BTBD1: variants seen among roughly 807,000 people sequenced by gnomAD.
BTBD1 encodes the protein BTB/POZ domain-containing protein 1.
BTBD1 carries 34 observed loss-of-function variants against 48.0 expected under a neutral mutation model. That is an observed-to-expected ratio of 0.71 (90% CI 0.54 to 0.94). The LOEUF is 0.94. Ranked by LOEUF, BTBD1 falls within the 40% of genes least tolerant of loss-of-function variation. The pLI is 0.00. For synonymous variants in BTBD1, 261 were observed against 242.1 expected (o/e 1.08, Z -0.72); for missense variants, 543 against 625.6 (o/e 0.87, Z 1.41).
At chr15:83,063,502 C>A (rs2033208722) in intron 1 of BTBD1, among the ~76,000 whole-genome samples, 1 of 152,172 alleles carries the variant, frequency 6.6e-6, no homozygotes, top group African/African-American at 2.4e-5. Context: ...CGCCTCTTGC[C>A]TGGACTACTG....
intron 5 of BTBD1, among the ~76,000 whole-genome samples, chr15:83,021,009 AATG>A (rs2032283568): frequency 6.6e-6 from 1 of 152,186 alleles, no homozygotes; most frequent in South Asian, 2.1e-4. Context: ...CTTTTGTTGT[AATG>A]ATAATTTTAG....
chr15:83,020,013 G>A (rs1393291045), intron 6 of BTBD1: 1 of 145,016 alleles, frequency 6.9e-6, no homozygotes, highest in Non-Finnish European at 1.5e-5. Context: ...GGGGCCTAAT[G>A]CCTGTAATCC....
intron 5 of BTBD1, among the ~76,000 whole-genome samples, chr15:83,023,669 T>C (rs1323569973): frequency 6.6e-6 from 1 of 152,146 alleles, no homozygotes; most frequent in Non-Finnish European, 1.5e-5. Flanking sequence ...TGATTACAGG[T>C]GTGAGCCACC....
Position 83,067,048 on chromosome 15 carries a change from C to T in BTBD1, c.104G>A (p.Gly35Glu). The T allele has an allele frequency of 1.3e-6, 2 of 1,579,520 alleles. No homozygotes were observed. Among genetic ancestry groups the T allele is most frequent in the Non-Finnish European group, 1.7e-6 (2 of 1,165,538 alleles). ...TTCCCGCTGCAGGGGGAGCAGGGGC[C>T]CCAGAGAGGACGGTGAGGGCGGCGG... Reference protein sequence around the residue: ...PPPPPSPSSLGPLLPLQREPL... With the variant: ...PPPPPSPSSLEPLLPLQREPL... Residue 35 changes from glycine to glutamate, a missense_variant, in exon 1 of 8, where the codon GGG becomes GAG. Physicochemically the swap from Gly to Glu is moderately conservative, Grantham distance 98 (BLOSUM62 -2). Coordinates refer to ENST00000261721, the MANE Select transcript of BTBD1 (RefSeq NM_025238.4).
At chr15:83,052,319 A>G (rs954915884) in intron 2 of BTBD1, among the ~76,000 whole-genome samples, 4 of 152,118 alleles carry the variant, frequency 2.6e-5, no homozygotes, top group African/African-American at 9.7e-5. Context: ...GGCTCAAGCA[A>G]TCCACCCACC....
chr15:83,027,818 A>C (rs2032439411), intron 5 of BTBD1, among the ~76,000 whole-genome samples: 1 of 152,220 alleles, frequency 6.6e-6, no homozygotes, highest in African/African-American at 2.4e-5. Flanking sequence ...TATTTAAGAC[A>C]TAACACGCCT....
rs2032176229 is a variant in BTBD1, at chr15:83,016,830, T to C, written c.*1237A>G. On this transcript the variant is annotated 3_prime_UTR_variant, in exon 8 of 8. Transcript: ENST00000261721. ...ATATAAAGTGAAATATTACTTTAGA[T>C]GAAAATTTTTTGTATCTTACTTAGA... 6.6e-6 allele frequency: 1 copy of C among 152,212 alleles called. No individual in the cohort carries two copies. The highest frequency in any genetic ancestry group is 2.4e-5 in the African/African-American group (1 of 41,466). 9.4% of individuals were successfully genotyped at this position (152,212 alleles called of 1,614,324 possible). A position where few individuals can be genotyped will look rare whatever the true frequency, so the allele number is the denominator to read the frequency against.
intron 3 of BTBD1, among the ~76,000 whole-genome samples, chr15:83,047,217 A>C (rs2032897238): frequency 6.6e-6 from 1 of 152,216 alleles, no homozygotes; most frequent in Non-Finnish European, 1.5e-5. Flanking sequence ...TGTGTATTAC[A>C]AGGAAAATAA....
intron 6 of BTBD1, among the ~76,000 whole-genome samples, chr15:83,019,901 C>T (rs1166435118): frequency 3.7e-5 from 5 of 133,388 alleles, no homozygotes; most frequent in African/African-American, 1.1e-4. Context: ...ACCCGGGAGG[C>T]GGAGCTTGCA....
rs1010256925 is a variant in BTBD1 at position 83,016,624 on chromosome 15, G to A, written c.*1443C>T. ...GCATATCATATTTTTTAAGGCAGAA[G>A]TATTTTCTGTAATGGTTACTACAGA... On this transcript the variant is annotated 3_prime_UTR_variant, in exon 8 of 8. Coordinates refer to ENST00000261721, the MANE Select transcript of BTBD1 (RefSeq NM_025238.4). 1 of 152,028 alleles carries A rather than the reference G, an allele frequency of 6.6e-6. No individual in the cohort carries two copies. Among genetic ancestry groups the A allele is most frequent in the African/African-American group, 2.4e-5 (1 of 41,412 alleles). The allele number at this position is 152,028 out of a possible 1,614,324, so 9.4% of individuals were successfully genotyped here. A position where few individuals can be genotyped will look rare whatever the true frequency, so the allele number is the denominator to read the frequency against.
At chr15:83,057,322 T>C (rs1047852545) in intron 1 of BTBD1, among the ~76,000 whole-genome samples, 17 of 152,222 alleles carry the variant, frequency 1.1e-4, no homozygotes, top group African/African-American at 3.9e-4. Context: ...GCTAGCCATG[T>C]GACTTATTAT....
chr15:83,063,338 C>T (rs979868289), intron 1 of BTBD1, among the ~76,000 whole-genome samples: 6 of 152,128 alleles, frequency 3.9e-5, no homozygotes, highest in African/African-American at 1.4e-4. Context: ...GCAAGCTGTT[C>T]CCTCACCTCC....
chr15:83,025,900 G>A (rs2032396316), intron 5 of BTBD1, among the ~76,000 whole-genome samples: 1 of 152,078 alleles, frequency 6.6e-6, no homozygotes, highest in Non-Finnish European at 1.5e-5. Flanking sequence ...CTCCCGAGTA[G>A]CTGGGACTAC....
At position 83,044,305 on chromosome 15, in the gene BTBD1, C is replaced by A. The variant is rs1021874792; in HGVS notation, c.665-2380G>T. On this transcript the variant is annotated intron_variant, in intron 3 of 7. Coordinates refer to ENST00000261721, the MANE Select transcript of BTBD1 (RefSeq NM_025238.4). ...AAGGGTCAAAATAAATACCCCAGTT[C>A]GACAGCAAGCTGCCCACGCCGACGG... 5 of 852,726 alleles carry A rather than the reference C, an allele frequency of 5.9e-6. No individual in the cohort carries two copies. In the Admixed American group the frequency reaches 1.1e-4, roughly 19 times the overall value. The allele number at this position is 852,726 out of a possible 1,614,324, so 52.8% of individuals were successfully genotyped here. A position where few individuals can be genotyped will look rare whatever the true frequency, so the allele number is the denominator to read the frequency against.
intron 5 of BTBD1, among the ~76,000 whole-genome samples, chr15:83,023,553 A>T (rs1284410393): frequency 2.0e-5 from 3 of 151,874 alleles, no homozygotes; most frequent in African/African-American, 4.8e-5. Context: ...CTAATTTTTT[A>T]AAAATTATTA....
At chr15:83,030,001 A>C in intron 5 of BTBD1, 135 bp downstream of exon 5, 10 of 863,736 alleles carry the variant, frequency 1.2e-5, no homozygotes, top group Non-Finnish European at 1.7e-5. Flanking sequence ...TGACTCCTAT[A>C]TTAACTTAAC....
At chr15:83,051,906 C>CACACACACACA (rs2032994565) in intron 2 of BTBD1, among the ~76,000 whole-genome samples, 3 of 16,334 alleles carry the variant, frequency 1.8e-4, no homozygotes, top group Admixed American at 1.1e-3. Flanking sequence ...ACACACACAT[C>CACACACACACA]TATCTGGGAG....
chr15:83,034,213 T>C (rs1018764577), intron 4 of BTBD1, among the ~76,000 whole-genome samples: 3 of 151,786 alleles, frequency 2.0e-5, no homozygotes, highest in African/African-American at 4.8e-5. Context: ...TTTTTAAAAA[T>C]GAAGCTTACA....
intron 1 of BTBD1, among the ~76,000 whole-genome samples, chr15:83,064,912 A>G (rs2151316468): frequency 6.6e-6 from 1 of 152,338 alleles, no homozygotes; most frequent in African/African-American, 2.4e-5. Flanking sequence ...ATCAGAAACA[A>G]AGAATAAAGA....
Sources: gnomAD v4.1 joint callset for allele counts (sites outside exome capture counted in the v4.1 genomes callset) on GRCh38, gnomAD v4.1.1 for gene constraint, MANE v1.5 for transcripts, NCBI Gene and HGNC (gene_info 2026-07-23, HGNC 2026-07-21) for gene names.